The following CTNNA3 variants were observed in gnomAD, a reference collection of about 807,000 sequenced individuals.
CTNNA3 encodes catenin alpha-3.
In CTNNA3, 76 loss-of-function variants were observed where a neutral mutation model predicts 95.7. The observed-to-expected ratio is 0.79, with a 90% CI of 0.66 to 0.96. The LOEUF is 0.96. Ranked by LOEUF, CTNNA3 falls within the 40% of genes least tolerant of loss-of-function variation. The pLI is 0.00. For missense variants in CTNNA3, 1,191 were observed against 1,089.8 expected, an observed-to-expected ratio of 1.09 and a Z score of -1.31; for synonymous variants, 431 against 374.4, an observed-to-expected ratio of 1.15 and a Z score of -1.74.
At chr10:66,172,425 T>C (rs1318612658) in intron 13 of CTNNA3, among the ~76,000 whole-genome samples, 1 of 152,176 alleles carries the variant, frequency 6.6e-6, no homozygotes, top group African/African-American at 2.4e-5. Context: ...TTGAATATGT[T>C]TTACATTATC....
At chr10:67,473,691 T>A (rs920467335) in intron 5 of CTNNA3, among the ~76,000 whole-genome samples, 4 of 151,724 alleles carry the variant, frequency 2.6e-5, no homozygotes, top group African/African-American at 9.7e-5. Flanking sequence ...TGGAAAAAAA[T>A]TAAAAATAAA....
chr10:67,220,638 C>T (rs1325789980), intron 5 of CTNNA3, among the ~76,000 whole-genome samples: 4 of 151,884 alleles, frequency 2.6e-5, no homozygotes, highest in East Asian at 1.9e-4. Context: ...CTGAATGGTC[C>T]GAGAAGGTAT....
At chr10:67,588,678 T>C (rs754062507) in intron 3 of CTNNA3, among the ~76,000 whole-genome samples, 57 of 152,200 alleles carry the variant, frequency 3.7e-4, no homozygotes, top group Non-Finnish European at 6.8e-4. Context: ...ATACAAAAAG[T>C]TGAGCCTTAA....
intron 15 of CTNNA3, among the ~76,000 whole-genome samples, chr10:66,047,249 A>G (rs747176761): frequency 7.9e-5 from 12 of 152,146 alleles, no homozygotes; most frequent in Non-Finnish European, 1.8e-4. Flanking sequence ...TTGCAAACTC[A>G]GTTCAGCAGC....
At chr10:67,155,314 T>C (rs1055152314) in intron 7 of CTNNA3, among the ~76,000 whole-genome samples, 18 of 152,238 alleles carry the variant, frequency 1.2e-4, no homozygotes, top group African/African-American at 4.1e-4. Flanking sequence ...TTAATTCAAC[T>C]ACAAAGTGGT....
intron 5 of CTNNA3, among the ~76,000 whole-genome samples, chr10:67,310,306 C>T (rs73266244): frequency 0.055 from 8,419 of 152,206 alleles, 759 homozygotes; most frequent in African/African-American, 0.19. Flanking sequence ...CCTTAAATTA[C>T]TACCCCTAAG....
chr10:65,956,368 T>A (rs1308452727), intron 17 of CTNNA3, among the ~76,000 whole-genome samples: 2 of 152,146 alleles, frequency 1.3e-5, no homozygotes, highest in African/African-American at 4.8e-5. Context: ...TTTTGAAGGG[T>A]TTTTTGTGTC....
rs958546285 is a variant in CTNNA3, at chr10:66,547,407, T to TTCTTGGC, written c.1375-26641_1375-26635dup. On this transcript the variant is annotated intron_variant, in intron 10 of 17. Coordinates refer to ENST00000433211, the MANE Select transcript of CTNNA3 (RefSeq NM_013266.4). ...GCCCAGGCTGGAGTCCAGTGGCCCA[T>TTCTTGGC]TCTTGGCTCACTGCAAGCTCCACCT... 2.6e-4 allele frequency among the ~76,000 whole-genome samples: 34 copies of TTCTTGGC among 130,604 alleles called. 1 individual carries two copies. Among genetic ancestry groups the TTCTTGGC allele is most frequent in the African/African-American group, 9.4e-4 (34 of 36,184 alleles). 85.7% of individuals were successfully genotyped at this position (130,604 alleles called of 152,430 possible).
At chr10:66,467,670 A>T (rs116806643) in intron 11 of CTNNA3, among the ~76,000 whole-genome samples, 6 of 152,066 alleles carry the variant, frequency 3.9e-5, no homozygotes, top group African/African-American at 9.7e-5. Context: ...TATAACCATC[A>T]TGCTAATAGC....
chr10:67,680,105 T>C (rs557151780), intron 1 of CTNNA3, among the ~76,000 whole-genome samples: 1 of 152,286 alleles, frequency 6.6e-6, no homozygotes, highest in African/African-American at 2.4e-5. Context: ...AGGAGAGATA[T>C]TAAAAATATT....
chr10:66,278,115 A>C lies in CTNNA3; in HGVS notation c.1884+2355T>G, dbSNP rs573847485. ...ATAAATCATATGAAGAATCATATACAGTGTAATAGGATTAGGACTTAAAAA... is the reference window on the plus strand; with the variant it reads ...ATAAATCATATGAAGAATCATATACCGTGTAATAGGATTAGGACTTAAAAA... On this transcript the variant is annotated intron_variant, in intron 13 of 17. Coordinates refer to ENST00000433211, the MANE Select transcript of CTNNA3 (RefSeq NM_013266.4). Among the ~76,000 whole-genome samples, 4 of 150,454 alleles carry C rather than the reference A, an allele frequency of 2.7e-5. No homozygotes were observed. In the East Asian group the frequency reaches 5.9e-4, roughly 22 times the overall value.
chr10:67,075,565 A>G (rs1422534208), intron 7 of CTNNA3, among the ~76,000 whole-genome samples: 2 of 152,164 alleles, frequency 1.3e-5, no homozygotes, highest in Non-Finnish European at 2.9e-5. Flanking sequence ...AATGTTTAAC[A>G]TTTTCTCAAA....
rs937007259 is a variant in CTNNA3 at position 66,809,783 on chromosome 10, T to A, written c.1048-34259A>T. 2.6e-5 allele frequency among the ~76,000 whole-genome samples: 4 copies of A among 151,450 alleles called. No homozygotes were observed. In the East Asian group the frequency reaches 7.9e-4, roughly 30 times the overall value. ...GTTTTCTATTCCCATTTAATTTATG[T>A]TTTTACCTAGAATTGCTGATTTCTT... On this transcript the variant is annotated intron_variant, in intron 7 of 17. Coordinates refer to ENST00000433211, the MANE Select transcript of CTNNA3 (RefSeq NM_013266.4).
rs140801859 is a variant in CTNNA3 at position 67,250,505 on chromosome 10, G to A, written c.580-30635C>T. 3.5e-3 allele frequency among the ~76,000 whole-genome samples: 522 copies of A among 151,220 alleles called. 2 individuals are homozygous for A. The highest frequency in any genetic ancestry group is 0.019 in the South Asian group (90 of 4,770). On this transcript the variant is annotated intron_variant, in intron 5 of 17. Transcript: ENST00000433211. ...GCTGGGATTACAGGCATGAGCCACCGCGCCCGGCCACAGAGGGCCAACTTT... is the reference window on the plus strand; with the variant it reads ...GCTGGGATTACAGGCATGAGCCACCACGCCCGGCCACAGAGGGCCAACTTT...
chr10:67,480,503 A>G (rs1475839396), intron 5 of CTNNA3, among the ~76,000 whole-genome samples: 1 of 152,218 alleles, frequency 6.6e-6, no homozygotes, highest in Admixed American at 6.5e-5. Context: ...GTTTACCAGA[A>G]TGAGGACAAG....
chr10:67,547,640 G>A (rs2133219632), intron 3 of CTNNA3, among the ~76,000 whole-genome samples: 1 of 152,256 alleles, frequency 6.6e-6, no homozygotes, highest in East Asian at 1.9e-4. Context: ...TAGTTCACAA[G>A]CTCACACAAA....
At chr10:67,151,372 T>G (rs147309440) in intron 7 of CTNNA3, among the ~76,000 whole-genome samples, 89 of 152,312 alleles carry the variant, frequency 5.8e-4, no homozygotes, top group African/African-American at 2.0e-3. Context: ...ATTCCTTTAT[T>G]ATTTCAAAAA....
chr10:67,490,403 A>G (rs531087564), intron 5 of CTNNA3, among the ~76,000 whole-genome samples: 2 of 152,336 alleles, frequency 1.3e-5, no homozygotes, highest in African/African-American at 4.8e-5. Flanking sequence ...CTCCAAAAAT[A>G]AAAATAAAAA....
intron 1 of CTNNA3, among the ~76,000 whole-genome samples, chr10:67,741,670 T>A (rs1394859570): frequency 6.6e-6 from 1 of 151,234 alleles, no homozygotes; most frequent in African/African-American, 2.4e-5. Flanking sequence ...TAACCTTAAA[T>A]GTAAATGGGC....
Sources: gnomAD v4.1 joint callset for allele counts (sites outside exome capture counted in the v4.1 genomes callset) on GRCh38, gnomAD v4.1.1 for gene constraint, MANE v1.5 for transcripts, NCBI Gene and HGNC (gene_info 2026-07-23, HGNC 2026-07-21) for gene names.